Variants in MRAP observed in about 807,000 individuals in gnomAD.
The protein encoded by MRAP is melanocortin-2 receptor accessory protein.
A neutral mutation model predicts 8.7 loss-of-function variants in MRAP; 8 were observed. The ratio of observed to expected loss-of-function variants is 0.92; its 90% CI spans 0.54 to 1.66. The LOEUF is 1.66. Among genes scored for constraint, MRAP ranks in the 40% most tolerant of loss-of-function variants. The pLI is 0.00. For missense variants in MRAP, 237 were observed against 217.1 expected (o/e 1.09, Z -0.58); for synonymous variants, 95 against 95.5 (o/e 1.00, Z 0.03).
intron 1 of MRAP, 45 bp downstream of exon 1, chr21:32,299,122 G>C: frequency 6.6e-7 from 1 of 1,511,226 alleles, no homozygotes; most frequent in Non-Finnish European, 9.2e-7. Context: ...GCTGGGGGCC[G>C]GGGCCCAAAT....
intron 1 of MRAP, among the ~76,000 whole-genome samples, chr21:32,292,091 T>C (rs980634220): frequency 6.6e-6 from 1 of 152,116 alleles, no homozygotes; most frequent in African/African-American, 2.4e-5. Flanking sequence ...AATGTGAGCA[T>C]TGACTAGATA....
intron 1 of MRAP, among the ~76,000 whole-genome samples, chr21:32,304,623 A>C (rs1031066505): frequency 3.1e-4 from 43 of 138,806 alleles, no homozygotes; most frequent in Admixed American, 2.3e-4. Context: ...CAAACAAAAA[A>C]AAACAAACAA....
chr21:32,298,034 G>A (rs968034486), upstream of MRAP, among the ~76,000 whole-genome samples: 2 of 152,184 alleles, frequency 1.3e-5, no homozygotes, highest in Non-Finnish European at 2.9e-5. Flanking sequence ...CATGTAAGCC[G>A]TGTGTTTTGG....
chr21:32,311,415 A>AC (rs545361408), intron 2 of MRAP: 56 of 118,080 alleles, frequency 4.7e-4, no homozygotes, highest in Middle Eastern at 3.2e-3. Context: ...TCCACCCCCC[A>AC]CCCCCCCCAT....
chr21:32,301,463 C>T (rs2032297102), intron 1 of MRAP, among the ~76,000 whole-genome samples: 1 of 152,184 alleles, frequency 6.6e-6, no homozygotes, highest in South Asian at 2.1e-4. Context: ...CTGCCATAAT[C>T]GTAAGTTTCC....
chr21:32,297,456 T>C (rs1245626902), upstream of MRAP, among the ~76,000 whole-genome samples: 1 of 152,206 alleles, frequency 6.6e-6, no homozygotes, highest in African/African-American at 2.4e-5. Flanking sequence ...GGTGAACACA[T>C]TGAGGTGCTG....
intron 1 of MRAP, among the ~76,000 whole-genome samples, chr21:32,300,994 T>C (rs1050052106): frequency 1.5e-5 from 2 of 137,020 alleles, no homozygotes; most frequent in Admixed American, 6.9e-5. Flanking sequence ...TATATCATGA[T>C]ATATGATATG....
chr21:32,304,312 C>G (rs1431553609), intron 1 of MRAP, among the ~76,000 whole-genome samples: 1 of 152,078 alleles, frequency 6.6e-6, no homozygotes, highest in Non-Finnish European at 1.5e-5. Flanking sequence ...GAGTCAGAGG[C>G]TTCTTTCAAA....
At chr21:32,309,323 G>A (rs117894213) in intron 2 of MRAP, among the ~76,000 whole-genome samples, 1,585 of 152,144 alleles carry the variant, frequency 0.01, 13 homozygotes, top group Non-Finnish European at 0.014. Context: ...AGGGGCCTCT[G>A]ATTCTCCTCC....
At position 32,300,619 on chromosome 21, in the gene MRAP, C is replaced by T. The variant is rs911626091; in HGVS notation, c.106+1542C>T. 2.4e-4 allele frequency among the ~76,000 whole-genome samples: 21 copies of T among 86,676 alleles called. 1 individual carries two copies. Among genetic ancestry groups the T allele is most frequent in the East Asian group, 1.0e-3 (3 of 2,968 alleles). 56.9% of individuals were successfully genotyped at this position (86,676 alleles called of 152,430 possible). ...GTCCTATGTCGGATATGTCACGCGTCGTATGTCAGATGCGTCACACGTCCT... is the reference window on the plus strand; with the variant it reads ...GTCCTATGTCGGATATGTCACGCGTTGTATGTCAGATGCGTCACACGTCCT... On this transcript the variant is annotated intron_variant, in intron 1 of 2. Coordinates refer to ENST00000303645, the MANE Select transcript of MRAP (RefSeq NM_001379228.1).
intron 1 of MRAP, among the ~76,000 whole-genome samples, chr21:32,305,345 C>T (rs888266514): frequency 3.9e-5 from 6 of 151,986 alleles, no homozygotes; most frequent in Non-Finnish European, 7.3e-5. Context: ...GTTTTTCCTG[C>T]TATCTCTCAG....
Position 32,298,976 on chromosome 21 carries a change from C to T in MRAP, c.5C>T (p.Ala2Val). 6.2e-7 allele frequency: 1 copy of T among 1,613,402 alleles called. No homozygotes were observed. M[A>V]NGTNASAPYY... Reference sequence around the variant, plus strand: ...TGACTGCCCAGTGCCACAGACATGGCCAACGGGACCAACGCCTCTGCCCCA... The same window carrying T: ...TGACTGCCCAGTGCCACAGACATGGTCAACGGGACCAACGCCTCTGCCCCA... The change falls in exon 1 of 3, where the codon GCC becomes GTC. Residue 2 changes from alanine to valine, a missense_variant. Coordinates refer to ENST00000303645, the MANE Select transcript of MRAP (RefSeq NM_001379228.1).
downstream of MRAP, chr21:32,314,663 G>T (rs772050472): frequency 6.2e-7 from 1 of 1,610,018 alleles, no homozygotes; most frequent in South Asian, 1.1e-5. Flanking sequence ...ACGAGGCACT[G>T]GATGGGCCTC....
upstream of MRAP, among the ~76,000 whole-genome samples, chr21:32,298,221 G>A (rs367663812): frequency 3.3e-5 from 5 of 152,294 alleles, no homozygotes; most frequent in East Asian, 9.7e-4. Context: ...TATCAGCCAA[G>A]AGCTGAGTGG....
chr21:32,314,769 A>G (rs79117355), downstream of MRAP: 35 of 1,441,282 alleles, frequency 2.4e-5, no homozygotes, highest in East Asian at 8.6e-4. Flanking sequence ...AAGTCCTCTC[A>G]ACTTTTCTTG....
At chr21:32,300,746 G>C (rs895909271) in intron 1 of MRAP, among the ~76,000 whole-genome samples, 1 of 107,512 alleles carries the variant, frequency 9.3e-6, no homozygotes, top group South Asian at 3.2e-4. Context: ...ATGTCAGTGT[G>C]TCGTGCGTCC....
At chr21:32,301,303 T>C (rs1223016203) in intron 1 of MRAP, among the ~76,000 whole-genome samples, 1 of 152,166 alleles carries the variant, frequency 6.6e-6, no homozygotes, top group Non-Finnish European at 1.5e-5. Flanking sequence ...TATGCTCTGA[T>C]GTGTGATGTG....
intron 1 of MRAP, among the ~76,000 whole-genome samples, chr21:32,304,070 A>G (rs1330553629): frequency 6.6e-6 from 1 of 152,232 alleles, no homozygotes; most frequent in African/African-American, 2.4e-5. Context: ...CTGTTCCCTT[A>G]GATCCCTGGT....
chr21:32,308,383 AG>A (rs1397825811), intron 2 of MRAP: 2 of 152,578 alleles, frequency 1.3e-5, no homozygotes, highest in African/African-American at 4.8e-5. Context: ...GTCTCCAAAA[AG>A]AAAAAAAAAA....
Sources: gnomAD v4.1 joint callset for allele counts (sites outside exome capture counted in the v4.1 genomes callset) on GRCh38, gnomAD v4.1.1 for gene constraint, MANE v1.5 for transcripts, NCBI Gene and HGNC (gene_info 2026-07-23, HGNC 2026-07-21) for gene names.